The following CELF4 variants were observed in gnomAD, a reference collection of about 807,000 sequenced individuals.
CELF4 encodes CUG-BP- and ETR-3-like factor 4.
Under a neutral mutation model 59.9 loss-of-function variants are expected in CELF4, and 18 were observed. That is an observed-to-expected ratio of 0.30 (90% CI 0.21 to 0.45). The LOEUF is 0.45. Among genes scored for constraint, CELF4 ranks in the 20% least tolerant of loss-of-function variants. The pLI is 1.00. For synonymous variants in CELF4, 261 were observed against 267.1 expected (o/e 0.98, Z 0.22); for missense variants, 456 against 689.0 (o/e 0.66, Z 3.79).
At chr18:37,441,480 G>A (rs950505712) in intron 2 of CELF4, among the ~76,000 whole-genome samples, 1 of 152,198 alleles carries the variant, frequency 6.6e-6, no homozygotes, top group Admixed American at 6.5e-5. Context: ...AAAATGAGGA[G>A]GCTAATTGTT....
intron 1 of CELF4, among the ~76,000 whole-genome samples, chr18:37,501,777 G>T (rs1037881032): frequency 1.3e-5 from 2 of 150,920 alleles, no homozygotes; most frequent in African/African-American, 4.9e-5. Flanking sequence ...TTATGTGTGG[G>T]ACTCGGAGGA....
chr18:37,430,216 A>G (rs2099640101), intron 2 of CELF4, among the ~76,000 whole-genome samples: 1 of 152,176 alleles, frequency 6.6e-6, no homozygotes, highest in South Asian at 2.1e-4. Flanking sequence ...CCACCTTTGC[A>G]GCTGAGCACG....
At chr18:37,423,516 G>C (rs1172544497) in intron 2 of CELF4, among the ~76,000 whole-genome samples, 1 of 152,148 alleles carries the variant, frequency 6.6e-6, no homozygotes, top group Non-Finnish European at 1.5e-5. Context: ...GTCATTCTTG[G>C]TGGAGAGCAG....
At chr18:37,400,349 TG>T (rs1163468981) in intron 2 of CELF4, among the ~76,000 whole-genome samples, 1 of 152,254 alleles carries the variant, frequency 6.6e-6, no homozygotes, top group African/African-American at 2.4e-5. Context: ...TGTATATATA[TG>T]TATGCATGTA....
chr18:37,510,876 G>C (rs73947295), intron 1 of CELF4, among the ~76,000 whole-genome samples: 5,690 of 152,266 alleles, frequency 0.037, 352 homozygotes, highest in African/African-American at 0.13. Flanking sequence ...CTGTGCCTGA[G>C]AGTGACATTG....
chr18:37,507,048 C>T (rs1050741493), intron 1 of CELF4, among the ~76,000 whole-genome samples: 3 of 152,192 alleles, frequency 2.0e-5, no homozygotes, highest in Non-Finnish European at 4.4e-5. Context: ...TCACAGTTGC[C>T]AGGAGGGTGT....
At chr18:37,444,706 T>G (rs1603641336) in intron 2 of CELF4, among the ~76,000 whole-genome samples, 1 of 141,826 alleles carries the variant, frequency 7.1e-6, no homozygotes. Context: ...GGTGCAGGGG[T>G]GGGCTAGTTC....
At chr18:37,261,877 T>G (rs1266558700) in intron 10 of CELF4, among the ~76,000 whole-genome samples, 2 of 152,194 alleles carry the variant, frequency 1.3e-5, no homozygotes, top group Non-Finnish European at 2.9e-5. Context: ...AATATCCTGG[T>G]ATTTCCATGA....
At chr18:37,283,845 C>T (rs150266368) in intron 3 of CELF4, among the ~76,000 whole-genome samples, 3 of 121,056 alleles carry the variant, frequency 2.5e-5, no homozygotes, top group Admixed American at 8.5e-5. Flanking sequence ...GTGGGCACTG[C>T]GGGCCAGGGA....
rs543568410 is a variant in CELF4 at position 37,512,913 on chromosome 18, G to A, written c.287-27306C>T. Among the ~76,000 whole-genome samples, 29 of 151,938 alleles carry A rather than the reference G, an allele frequency of 1.9e-4. No homozygotes were observed. The East Asian group carries it at 3.3e-3, about 17-fold the overall frequency. The stretch of plus-strand genomic sequence containing the variant: ...GTCTTTGTAAAAACACCCTTCTCCC[G>A]GGAGTTCTGCAGGTGTCATTGGCCT... On this transcript the variant is annotated intron_variant, in intron 1 of 12. Transcript: ENST00000420428.
At chr18:37,306,242 C>T (rs2096394396) in intron 3 of CELF4, 1 of 152,270 alleles carries the variant, frequency 6.6e-6, no homozygotes. Flanking sequence ...GGCAGAGGGA[C>T]TTCTGTAGAT....
At chr18:37,446,696 CCT>C (rs1288005810) in intron 2 of CELF4, among the ~76,000 whole-genome samples, 1 of 152,064 alleles carries the variant, frequency 6.6e-6, no homozygotes, top group East Asian at 1.9e-4. Flanking sequence ...CACCCTTCCT[CCT>C]CTCTCTACCT....
chr18:37,466,186 C>A (rs767170522), intron 2 of CELF4, among the ~76,000 whole-genome samples: 1 of 152,322 alleles, frequency 6.6e-6, no homozygotes, highest in Middle Eastern at 3.4e-3. Flanking sequence ...CCCTCCCCAG[C>A]GGAGCTGAGC....
intron 8 of CELF4, among the ~76,000 whole-genome samples, chr18:37,267,756 C>T (rs1053915487): frequency 6.6e-6 from 1 of 152,196 alleles, no homozygotes; most frequent in African/African-American, 2.4e-5. Flanking sequence ...GGCACCTGGG[C>T]TGGGCACGGT....
rs1242693834 is a variant in CELF4 at position 37,253,948 on chromosome 18, C to T, written c.1334-10G>A. The T allele has an allele frequency of 6.3e-7, 1 of 1,599,384 alleles. No individual in the cohort carries two copies. The highest frequency in any genetic ancestry group is 1.1e-5 in the South Asian group (1 of 89,466). On this transcript the variant is annotated splice_polypyrimidine_tract_variant and intron_variant, in intron 11 of 12. Transcript: ENST00000420428. This position sits in a 1 kb window ranked among gnomAD's most constrained non-coding sequence, Gnocchi z 4.5. ...TCGAAGCTCACGAAGCCTGGCGAGA[C>T]ACGAGGGACGAGGGCCTGGGTTTCC...
At chr18:37,266,723 A>G (rs2154335660) in intron 8 of CELF4, 125 bp from the exon 9 acceptor site, 3 of 833,398 alleles carry the variant, frequency 3.6e-6, no homozygotes, top group Middle Eastern at 3.2e-4. Context: ...GCCCTGGGGC[A>G]GGGCATCCGA....
At chr18:37,520,386 A>G (rs1011049994) in intron 1 of CELF4, among the ~76,000 whole-genome samples, 1 of 152,138 alleles carries the variant, frequency 6.6e-6, no homozygotes, top group African/African-American at 2.4e-5. Context: ...TCCCCATTTC[A>G]TGAATGTAGA....
chr18:37,402,387 C>T (rs778327832), intron 2 of CELF4, among the ~76,000 whole-genome samples: 1 of 152,220 alleles, frequency 6.6e-6, no homozygotes, highest in African/African-American at 2.4e-5. Flanking sequence ...TACCACTGCT[C>T]ACCTCCATGG....
At chr18:37,517,979 A>C (rs1194344272) in intron 1 of CELF4, among the ~76,000 whole-genome samples, 1 of 152,114 alleles carries the variant, frequency 6.6e-6, no homozygotes, top group African/African-American at 2.4e-5. Flanking sequence ...TAATGGTGCA[A>C]TAGATGATGT....
Sources: allele counts gnomAD v4.1 joint callset (sites outside exome capture counted in the v4.1 genomes callset), GRCh38; gene constraint gnomAD v4.1.1; non-coding constraint Gnocchi (gnomAD v3.1); transcripts MANE v1.5; gene names NCBI Gene and HGNC (gene_info 2026-07-23, HGNC 2026-07-21).